Variants in NAP1L1 observed in about 807,000 individuals in gnomAD.
NAP1L1 encodes the protein nucleosome assembly protein 1-like 1.
NAP1L1 carries 9 observed loss-of-function variants against 58.9 expected under a neutral mutation model. The observed-to-expected ratio is 0.15, with a 90% CI of 0.09 to 0.27. The LOEUF (loss-of-function observed/expected upper bound fraction) is 0.27, where lower values mean the gene tolerates loss of function less well. NAP1L1 is among the 10% of genes least tolerant of loss of function. NAP1L1 has a pLI of 1.00. For missense variants in NAP1L1, 302 were observed against 458.8 expected, an observed-to-expected ratio of 0.66 and a Z score of 3.12; for synonymous variants, 130 against 138.3, an observed-to-expected ratio of 0.94 and a Z score of 0.42.
At position 76,054,812 on chromosome 12, in the gene NAP1L1, G is replaced by A. The variant is rs536380007; in HGVS notation, c.630+207C>T. Among the ~76,000 whole-genome samples the A allele has an allele frequency of 2.0e-5, 3 of 152,196 alleles. No homozygotes were observed. In the East Asian group the frequency reaches 5.8e-4, roughly 29 times the overall value. On this transcript the variant is annotated intron_variant, in intron 8 of 14. Transcript: ENST00000618691. Reference sequence around the variant, plus strand: ...GCATTATTTTTATCCACTTATCCAGGAACAAGGATTGTCTGTGTTTCAAAC... The same window carrying A: ...GCATTATTTTTATCCACTTATCCAGAAACAAGGATTGTCTGTGTTTCAAAC...
At chr12:76,076,549 A>AATATATATATATATATATATATATAT (rs58649228) in intron 1 of NAP1L1, among the ~76,000 whole-genome samples, 15 of 120,608 alleles carry the variant, frequency 1.2e-4, no homozygotes, top group South Asian at 2.9e-4. Context: ...TGGATATGGA[A>AATATATATATATATATATATATATAT]ATATATATAT....
chr12:76,049,305 C>T, intron 13 of NAP1L1, 55 bp from the exon 14 acceptor site: 1 of 1,611,172 alleles, frequency 6.2e-7, no homozygotes, highest in Non-Finnish European at 8.5e-7. Flanking sequence ...GGTAAACTGG[C>T]TCATAATGTA....
intron 4 of NAP1L1, 44 bp from the exon 5 acceptor site, chr12:76,060,323 A>T (rs772085806): frequency 6.3e-7 from 1 of 1,580,822 alleles, no homozygotes; most frequent in South Asian, 1.2e-5. Context: ...AGTAAAATGG[A>T]AGTCACACTT....
intron 2 of NAP1L1, among the ~76,000 whole-genome samples, chr12:76,069,458 C>A (rs1374110339): frequency 6.6e-6 from 1 of 152,158 alleles, no homozygotes; most frequent in Non-Finnish European, 1.5e-5. Context: ...GTATCCTTAA[C>A]AGGATGGTAG....
chr12:76,053,066 A>G, intron 11 of NAP1L1, 25 bp downstream of exon 11: 1 of 1,582,740 alleles, frequency 6.3e-7, no homozygotes, highest in Non-Finnish European at 8.6e-7. Context: ...TAACAATTCA[A>G]TAAATATATA....
At position 76,037,812 on chromosome 12, in the gene NAP1L1, G is replaced by A. The variant is rs776049761; in HGVS notation, c.*10617C>T. 3 of 152,044 alleles carry A rather than the reference G, an allele frequency of 2.0e-5. No individual in the cohort carries two copies. Among genetic ancestry groups the A allele is most frequent in the Non-Finnish European group, 2.9e-5 (2 of 68,026 alleles). The allele number at this position is 152,044 out of a possible 1,614,324, so 9.4% of individuals were successfully genotyped here. ...TGATGAGTAGTTATCCAATTTTCACGTCTACTTCACTAAATATCCAAGATC... is the reference window on the plus strand; with the variant it reads ...TGATGAGTAGTTATCCAATTTTCACATCTACTTCACTAAATATCCAAGATC... On this transcript the variant is annotated 3_prime_UTR_variant, in exon 15 of 15. Coordinates refer to ENST00000618691, the MANE Select transcript of NAP1L1 (RefSeq NM_004537.7).
At chr12:76,076,382 G>A (rs1592698939) in intron 1 of NAP1L1, among the ~76,000 whole-genome samples, 3 of 151,984 alleles carry the variant, frequency 2.0e-5, no homozygotes, top group Admixed American at 6.6e-5. Flanking sequence ...CAATCATAGC[G>A]TTGTCTTCTT....
intron 4 of NAP1L1, among the ~76,000 whole-genome samples, chr12:76,062,801 T>C (rs1439370509): frequency 1.3e-5 from 2 of 152,188 alleles, no homozygotes; most frequent in Non-Finnish European, 2.9e-5. Flanking sequence ...ATGAGAATGA[T>C]ACATTTCTCA....
At chr12:76,075,312 A>G (rs922221634) in intron 1 of NAP1L1, among the ~76,000 whole-genome samples, 14 of 152,150 alleles carry the variant, frequency 9.2e-5, no homozygotes, top group African/African-American at 3.1e-4. Flanking sequence ...CCCTGTCTCT[A>G]AAAAAATTAT....
intron 6 of NAP1L1, chr12:76,057,903 G>A: frequency 3.1e-6 from 4 of 1,277,014 alleles, no homozygotes; most frequent in Non-Finnish European, 3.4e-6. Flanking sequence ...AAAATTCCCA[G>A]AGCAAAGAAA....
intron 2 of NAP1L1, among the ~76,000 whole-genome samples, chr12:76,072,150 C>A (rs1949978859): frequency 6.7e-6 from 1 of 149,160 alleles, no homozygotes; most frequent in African/African-American, 2.5e-5. Context: ...AGCAGCCAAC[C>A]AAGTATTGAT....
intron 6 of NAP1L1, chr12:76,057,411 G>T (rs887759775): frequency 4.1e-6 from 2 of 490,498 alleles, no homozygotes; most frequent in African/African-American, 3.9e-5. Flanking sequence ...TATTTCCTAG[G>T]TATAAAAATA....
intron 1 of NAP1L1, among the ~76,000 whole-genome samples, chr12:76,077,372 G>A (rs1950218761): frequency 6.6e-6 from 1 of 152,104 alleles, no homozygotes; most frequent in Non-Finnish European, 1.5e-5. Flanking sequence ...CATCAACTTT[G>A]TAGCAATCTA....
chr12:76,058,658 TTACA>T (rs1309391685), intron 6 of NAP1L1, among the ~76,000 whole-genome samples: 5 of 152,172 alleles, frequency 3.3e-5, no homozygotes, highest in African/African-American at 4.8e-5. Context: ...AGTGCTGGGA[TTACA>T]GGCATGAGCC....
intron 1 of NAP1L1, among the ~76,000 whole-genome samples, chr12:76,076,717 T>C (rs1048750909): frequency 2.0e-5 from 3 of 151,928 alleles, no homozygotes; most frequent in African/African-American, 7.3e-5. Context: ...TAATTTCCCA[T>C]TCACCATTAC....
chr12:76,071,958 C>T (rs1394888281), intron 2 of NAP1L1, among the ~76,000 whole-genome samples: 1 of 42,630 alleles, frequency 2.3e-5, no homozygotes, highest in African/African-American at 1.4e-4. Context: ...CTGACTAGCC[C>T]AGAAAAAAAA....
chr12:76,073,918 G>T, intron 2 of NAP1L1: 1 of 303,794 alleles, frequency 3.3e-6, no homozygotes, highest in Non-Finnish European at 6.0e-6. Flanking sequence ...CAATAAAAAT[G>T]AATTCTGCAA....
intron 1 of NAP1L1, among the ~76,000 whole-genome samples, chr12:76,080,566 G>A (rs1301779361): frequency 6.6e-6 from 1 of 152,066 alleles, no homozygotes; most frequent in Non-Finnish European, 1.5e-5. Context: ...AGGATGAAAT[G>A]GCTTAATGAT....
chr12:76,053,575 T>A (rs578130654), intron 9 of NAP1L1, among the ~76,000 whole-genome samples, 195 bp downstream of exon 9: 1 of 152,298 alleles, frequency 6.6e-6, no homozygotes, highest in Admixed American at 6.5e-5. Flanking sequence ...AGCATTCCTC[T>A]GCAAAAATAT....
Sources: gnomAD v4.1 joint callset for allele counts (sites outside exome capture counted in the v4.1 genomes callset) on GRCh38, gnomAD v4.1.1 for gene constraint, MANE v1.5 for transcripts, NCBI Gene and HGNC (gene_info 2026-07-23, HGNC 2026-07-21) for gene names.